PRKG1: variants seen among roughly 807,000 people sequenced by gnomAD.
PRKG1 encodes the protein protein kinase cGMP-dependent 1, also known as cGMP-dependent protein kinase 1.
In PRKG1, 35 loss-of-function variants were observed where a neutral mutation model predicts 88.1. That is an observed-to-expected ratio of 0.40 (90% CI 0.30 to 0.53). PRKG1 has a LOEUF of 0.53. Ranked by LOEUF, PRKG1 falls within the 20% of genes least tolerant of loss-of-function variation. PRKG1 has a pLI of 0.59. For synonymous variants in PRKG1, 303 were observed against 292.5 expected (o/e 1.04, Z -0.37); for missense variants, 540 against 839.8 (o/e 0.64, Z 4.41).
intron 5 of PRKG1, among the ~76,000 whole-genome samples, chr10:52,004,979 A>G (rs4935300): frequency 0.18 from 26,928 of 152,066 alleles, 2,690 homozygotes; most frequent in East Asian, 0.32. Flanking sequence ...ATCATTATCA[A>G]TATGAGTTTG....
At chr10:51,791,384 C>A (rs1319641381) in intron 3 of PRKG1, among the ~76,000 whole-genome samples, 1 of 151,954 alleles carries the variant, frequency 6.6e-6, no homozygotes, top group African/African-American at 2.4e-5. Context: ...TCAGGGTAGC[C>A]CTTAATTCTG....
intron 4 of PRKG1, among the ~76,000 whole-genome samples, chr10:51,852,359 T>TACAC (rs199614653): frequency 1.3e-5 from 2 of 149,598 alleles, no homozygotes; most frequent in African/African-American, 4.9e-5. Flanking sequence ...TACATAGATA[T>TACAC]ACACACACAC....
chr10:51,142,894 A>T (rs1197796128), intron 1 of PRKG1, among the ~76,000 whole-genome samples: 2 of 152,156 alleles, frequency 1.3e-5, no homozygotes, highest in Admixed American at 1.3e-4. Context: ...CATGTACAAT[A>T]TGATGTTTTG....
intron 3 of PRKG1, among the ~76,000 whole-genome samples, chr10:51,756,167 A>G (rs1201156248): frequency 1.3e-5 from 2 of 152,198 alleles, no homozygotes; most frequent in African/African-American, 4.8e-5. Flanking sequence ...TTAGAATTCA[A>G]TTAAAGATAC....
intron 9 of PRKG1, among the ~76,000 whole-genome samples, chr10:52,187,407 TA>T (rs543205745): frequency 0.014 from 2,165 of 150,156 alleles, 58 homozygotes; most frequent in African/African-American, 0.049. Context: ...AGATTTTAGG[TA>T]AAAAAAAAAT....
chr10:51,150,295 A>T (rs745434904), intron 1 of PRKG1, among the ~76,000 whole-genome samples: 1 of 152,128 alleles, frequency 6.6e-6, no homozygotes, highest in African/African-American at 2.4e-5. Context: ...AGTTACAGTG[A>T]GTGTCTTAGA....
chr10:51,915,199 G>A (rs1842311601), intron 5 of PRKG1, among the ~76,000 whole-genome samples: 1 of 152,180 alleles, frequency 6.6e-6, no homozygotes. Flanking sequence ...CCTGCCTTAG[G>A]CGGAGTTATT....
chr10:51,276,644 A>C (rs557401085), intron 2 of PRKG1, among the ~76,000 whole-genome samples: 49 of 152,172 alleles, frequency 3.2e-4, no homozygotes, highest in African/African-American at 1.1e-3. Context: ...CTGACTTTTT[A>C]ATGATTGCCA....
chr10:51,351,222 C>A (rs935590536), intron 2 of PRKG1, among the ~76,000 whole-genome samples: 1 of 152,114 alleles, frequency 6.6e-6, no homozygotes, highest in African/African-American at 2.4e-5. Flanking sequence ...TAAACATATG[C>A]ATGCATGTGT....
intron 6 of PRKG1, among the ~76,000 whole-genome samples, chr10:52,061,917 G>A (rs1231798905): frequency 1.3e-5 from 2 of 151,922 alleles, no homozygotes; most frequent in Non-Finnish European, 2.9e-5. Flanking sequence ...GAGAAACTAG[G>A]ATATGCATAT....
At chr10:52,055,027 T>G (rs549807789) in intron 6 of PRKG1, among the ~76,000 whole-genome samples, 9 of 152,250 alleles carry the variant, frequency 5.9e-5, no homozygotes, top group African/African-American at 2.2e-4. Flanking sequence ...TCCCAGCTAC[T>G]TCGGAGGCTG....
At chr10:51,909,001 A>G (rs1274192315) in intron 5 of PRKG1, 1 of 152,174 alleles carries the variant, frequency 6.6e-6, no homozygotes, top group Admixed American at 6.6e-5. Context: ...AAGTGCTGGG[A>G]TTACAGGCAT....
intron 3 of PRKG1, among the ~76,000 whole-genome samples, chr10:51,715,196 T>C (rs1841856845): frequency 6.6e-6 from 1 of 152,214 alleles, no homozygotes. Flanking sequence ...TTATTTACCC[T>C]GTGTTCCTCA....
intron 5 of PRKG1, among the ~76,000 whole-genome samples, chr10:51,998,634 T>A (rs949135125): frequency 6.6e-6 from 1 of 152,234 alleles, no homozygotes; most frequent in African/African-American, 2.4e-5. Context: ...GAAGCATATA[T>A]ACCAAACTGT....
intron 9 of PRKG1, among the ~76,000 whole-genome samples, chr10:52,197,992 T>C (rs1275265663): frequency 6.6e-6 from 1 of 152,148 alleles, no homozygotes; most frequent in Non-Finnish European, 1.5e-5. Flanking sequence ...TTTTACCCAC[T>C]GGGAGGACAC....
intron 5 of PRKG1, among the ~76,000 whole-genome samples, chr10:51,975,962 A>G (rs1843821588): frequency 6.6e-6 from 1 of 152,054 alleles, no homozygotes; most frequent in Non-Finnish European, 1.5e-5. Context: ...AAGAATTTGC[A>G]TAAACATTTC....
chr10:51,415,905 C>T (rs924674169), intron 2 of PRKG1, among the ~76,000 whole-genome samples: 1 of 142,600 alleles, frequency 7.0e-6, no homozygotes, highest in Non-Finnish European at 1.5e-5. Context: ...CATGCTAGAG[C>T]TTCCAGTGTG....
At chr10:51,490,367 G>A (rs1417841800) in intron 3 of PRKG1, among the ~76,000 whole-genome samples, 1 of 152,032 alleles carries the variant, frequency 6.6e-6, no homozygotes, top group Admixed American at 6.6e-5. Context: ...GTACTATAAT[G>A]CAGCAACATA....
chr10:51,243,108 G>A (rs80324446), intron 2 of PRKG1, among the ~76,000 whole-genome samples: 3,154 of 152,188 alleles, frequency 0.021, 45 homozygotes, highest in Middle Eastern at 0.044. Context: ...TCAGTTAGAA[G>A]GAAGGCTTTT....
Sources: gnomAD v4.1 joint callset for allele counts (sites outside exome capture counted in the v4.1 genomes callset) on GRCh38, gnomAD v4.1.1 for gene constraint, MANE v1.5 for transcripts, NCBI Gene and HGNC (gene_info 2026-07-23, HGNC 2026-07-21) for gene names.